OCA2: variants seen among roughly 807,000 people sequenced by gnomAD.
OCA2 encodes P protein.
Under a neutral mutation model 100.2 loss-of-function variants are expected in OCA2, and 77 were observed. That is an observed-to-expected ratio of 0.77 (90% CI 0.64 to 0.93). OCA2 has a LOEUF of 0.93. Among genes scored for constraint, OCA2 ranks in the 40% least tolerant of loss-of-function variants. The pLI is 0.00. For synonymous variants in OCA2, 432 were observed against 439.2 expected, an observed-to-expected ratio of 0.98 and a Z score of 0.21; for missense variants, 1,062 against 1,089.1, an observed-to-expected ratio of 0.98 and a Z score of 0.35.
chr15:27,949,303 A>C (rs2039953659), intron 18 of OCA2, among the ~76,000 whole-genome samples: 1 of 152,232 alleles, frequency 6.6e-6, no homozygotes, highest in Admixed American at 6.5e-5. Flanking sequence ...GTGTGATACG[A>C]CATCATTTCA....
At chr15:28,020,243 CA>C (rs2042551648) in intron 6 of OCA2, among the ~76,000 whole-genome samples, 1 of 152,048 alleles carries the variant, frequency 6.6e-6, no homozygotes, top group African/African-American at 2.4e-5. Flanking sequence ...AGGAGCTCGG[CA>C]AAATGCCTTA....
chr15:27,900,469 A>G (rs2037885313), intron 19 of OCA2, among the ~76,000 whole-genome samples: 1 of 152,072 alleles, frequency 6.6e-6, no homozygotes, highest in Non-Finnish European at 1.5e-5. Flanking sequence ...TGTACTGCCT[A>G]TTCTGCACCT....
chr15:28,067,687 T>C (rs2044067525), intron 2 of OCA2, among the ~76,000 whole-genome samples: 1 of 152,234 alleles, frequency 6.6e-6, no homozygotes, highest in Admixed American at 6.5e-5. Flanking sequence ...CATTGCACTA[T>C]GGTCTCAGAA....
At chr15:27,943,305 C>T (rs1417827878) in intron 18 of OCA2, among the ~76,000 whole-genome samples, 2 of 152,130 alleles carry the variant, frequency 1.3e-5, no homozygotes, top group South Asian at 2.1e-4. Flanking sequence ...GATCTTCAGA[C>T]CGATAGAATA....
intron 19 of OCA2, among the ~76,000 whole-genome samples, chr15:27,889,429 C>T (rs543297733): frequency 1.4e-4 from 21 of 152,290 alleles, no homozygotes; most frequent in African/African-American, 4.8e-4. Flanking sequence ...CCTGTCTGGA[C>T]ATGAAGAAAG....
the OCA2 span, among the ~76,000 whole-genome samples, chr15:27,740,325 C>A: frequency 6.6e-6 from 1 of 151,996 alleles, no homozygotes; most frequent in Admixed American, 6.6e-5. Context: ...TCAAAAGGTC[C>A]CCTACATTTT....
chr15:28,000,312 A>C (rs1304489057), intron 9 of OCA2, among the ~76,000 whole-genome samples: 3 of 152,208 alleles, frequency 2.0e-5, no homozygotes, highest in East Asian at 1.9e-4. Context: ...AAACCCATGC[A>C]TGTTACAGTC....
chr15:27,805,351 G>A (rs2033791109), intron 23 of OCA2, among the ~76,000 whole-genome samples: 1 of 152,270 alleles, frequency 6.6e-6, no homozygotes. Flanking sequence ...GAACCGCGAA[G>A]GAGGCCTGGG....
chr15:27,926,482 T>C (rs2140374350), intron 18 of OCA2, among the ~76,000 whole-genome samples: 1 of 152,340 alleles, frequency 6.6e-6, no homozygotes, highest in South Asian at 2.1e-4. Context: ...TTCATGCCTA[T>C]GTTCTTGTAC....
intron 15 of OCA2, among the ~76,000 whole-genome samples, chr15:27,959,059 G>A: frequency 6.6e-6 from 1 of 152,328 alleles, no homozygotes; most frequent in South Asian, 2.1e-4. Context: ...TTAGGCAGAG[G>A]GAGGCAGTCT....
At chr15:28,056,404 T>G (rs72712678) in intron 2 of OCA2, among the ~76,000 whole-genome samples, 1 of 152,108 alleles carries the variant, frequency 6.6e-6, no homozygotes, top group Non-Finnish European at 1.5e-5. Context: ...CCCAGAAAAT[T>G]TGTCCACAGG....
chr15:27,898,654 T>C (rs2037805842), intron 19 of OCA2, among the ~76,000 whole-genome samples: 2 of 152,202 alleles, frequency 1.3e-5, no homozygotes, highest in Non-Finnish European at 2.9e-5. Flanking sequence ...TTATGGATCA[T>C]ATGGTAGGTA....
intron 23 of OCA2, among the ~76,000 whole-genome samples, chr15:27,764,780 C>A (rs2031122280): frequency 6.6e-6 from 1 of 152,090 alleles, no homozygotes. Context: ...CTGATCCAGA[C>A]CCCAAGAGAG....
chr15:28,008,562 A>G (rs985908854), intron 9 of OCA2, among the ~76,000 whole-genome samples: 1 of 152,232 alleles, frequency 6.6e-6, no homozygotes, highest in African/African-American at 2.4e-5. Flanking sequence ...TAGCCAATGG[A>G]AACCAGACAC....
In OCA2 at chr15:27,966,744, T is replaced by G; in HGVS notation, c.1582A>C (p.Arg528=). The change falls in exon 15 of 24, where the codon AGA becomes CGA. Residue 528 remains arginine, a synonymous_variant. Transcript: ENST00000354638. ...AGCTTTCTGTTCCAGTAAAGGAGTC[T>G]GAGGAGCGGAAAGCAGACCAGGAGA... ...LVLLVCFPLL[R]LLYWNRKLYN... 1.2e-6 allele frequency: 2 copies of G among 1,613,916 alleles called. No individual in the cohort carries two copies. Among genetic ancestry groups the G allele is most frequent in the Non-Finnish European group, 1.7e-6 (2 of 1,179,992 alleles).
intron 1 of OCA2, among the ~76,000 whole-genome samples, chr15:28,097,708 G>A (rs1231256442): frequency 6.6e-6 from 1 of 152,076 alleles, no homozygotes; most frequent in Non-Finnish European, 1.5e-5. Context: ...AAAACTCCCA[G>A]AGTGCTGAAG....
At chr15:28,086,266 TA>T (rs1283737856) in intron 1 of OCA2, among the ~76,000 whole-genome samples, 6 of 152,150 alleles carry the variant, frequency 3.9e-5, no homozygotes, top group African/African-American at 1.4e-4. Flanking sequence ...TGCTCAGCAG[TA>T]ATGAGGCCAC....
chr15:27,902,965 C>A (rs2038015974), intron 19 of OCA2, among the ~76,000 whole-genome samples: 1 of 152,206 alleles, frequency 6.6e-6, no homozygotes, highest in Admixed American at 6.5e-5. Flanking sequence ...TCCTCCACCC[C>A]GACCTCGATC....
intron 23 of OCA2, among the ~76,000 whole-genome samples, chr15:27,817,849 T>C (rs1216589087): frequency 1.3e-5 from 2 of 152,164 alleles, no homozygotes; most frequent in African/African-American, 4.8e-5. Flanking sequence ...TTTTACATAC[T>C]TGAGTGAGAT....
Sources: gnomAD v4.1 joint callset for allele counts (sites outside exome capture counted in the v4.1 genomes callset) on GRCh38, gnomAD v4.1.1 for gene constraint, MANE v1.5 for transcripts, NCBI Gene and HGNC (gene_info 2026-07-23, HGNC 2026-07-21) for gene names.